Variants in SPATA6L observed in about 807,000 individuals in gnomAD.
SPATA6L encodes the protein spermatogenesis associated 6 like.
Under a neutral mutation model 49.2 loss-of-function variants are expected in SPATA6L, and 68 were observed. That is an observed-to-expected ratio of 1.38 (90% CI 1.14 to 1.69). The LOEUF is 1.69. Ranked by LOEUF, SPATA6L falls within the 40% of genes most tolerant of loss-of-function variation. SPATA6L has a pLI of 0.00. For synonymous variants in SPATA6L, 198 were observed against 165.7 expected, an observed-to-expected ratio of 1.19 and a Z score of -1.50; for missense variants, 668 against 464.3, an observed-to-expected ratio of 1.44 and a Z score of -4.03.
intron 9 of SPATA6L, among the ~76,000 whole-genome samples, chr9:4,608,893 C>CA (rs1320908180): frequency 3.3e-5 from 5 of 151,900 alleles, no homozygotes; most frequent in Admixed American, 3.3e-4. Context: ...ATAGATAGAC[C>CA]ACTAGCAAGA....
chr9:4,641,095 T>G (rs552431087), intron 3 of SPATA6L, among the ~76,000 whole-genome samples: 1 of 152,352 alleles, frequency 6.6e-6, no homozygotes, highest in African/African-American at 2.4e-5. Flanking sequence ...ATACATATTC[T>G]GCAACTGACT....
chr9:4,600,835 T>C (rs986693806), intron 11 of SPATA6L, 26 bp from the exon 12 acceptor site: 1 of 152,212 alleles, frequency 6.6e-6, no homozygotes, highest in Non-Finnish European at 1.5e-5. Context: ...CATCACATTC[T>C]ACATGTGGTA....
intron 9 of SPATA6L, among the ~76,000 whole-genome samples, chr9:4,615,069 C>T (rs754872640): frequency 6.6e-6 from 1 of 152,094 alleles, no homozygotes; most frequent in Non-Finnish European, 1.5e-5. Context: ...GCTGACAGTG[C>T]CCCTGCCTCC....
At chr9:4,665,654 A>G (rs1840748965) in intron 1 of SPATA6L, among the ~76,000 whole-genome samples, 1 of 152,200 alleles carries the variant, frequency 6.6e-6, no homozygotes, top group Non-Finnish European at 1.5e-5. Context: ...ACAGACCCCC[A>G]AGTAGAAACC....
downstream of SPATA6L, among the ~76,000 whole-genome samples, chr9:4,596,053 A>T (rs1047711471): frequency 6.6e-6 from 1 of 152,190 alleles, no homozygotes; most frequent in Non-Finnish European, 1.5e-5. Context: ...ACTGCTTCTG[A>T]CAGTCACAAA....
At chr9:4,620,108 C>T (rs1051722211) in intron 7 of SPATA6L, among the ~76,000 whole-genome samples, 1 of 152,104 alleles carries the variant, frequency 6.6e-6, no homozygotes, top group African/African-American at 2.4e-5. Flanking sequence ...GCCACCTTGT[C>T]CCAGGAGCTC....
At chr9:4,607,693 C>G (rs1483755081) in intron 9 of SPATA6L, among the ~76,000 whole-genome samples, 1 of 152,042 alleles carries the variant, frequency 6.6e-6, no homozygotes, top group Non-Finnish European at 1.5e-5. Context: ...CAAAATCATG[C>G]CAAAATGTAA....
At chr9:4,609,988 C>A (rs964407354) in intron 9 of SPATA6L, among the ~76,000 whole-genome samples, 3 of 151,872 alleles carry the variant, frequency 2.0e-5, no homozygotes, top group African/African-American at 7.3e-5. Flanking sequence ...CACAAGTATT[C>A]TTATACACCA....
chr9:4,624,129 A>T (rs189102192), intron 6 of SPATA6L, among the ~76,000 whole-genome samples: 1 of 152,370 alleles, frequency 6.6e-6, no homozygotes, highest in Admixed American at 6.5e-5. Flanking sequence ...TATCAACTTA[A>T]TGATACTATC....
intron 5 of SPATA6L, chr9:4,626,668 G>T: frequency 1.1e-6 from 1 of 921,056 alleles, no homozygotes; most frequent in South Asian, 1.7e-5. Flanking sequence ...AAATCTTTCT[G>T]TTACAGTCAC....
Position 4,606,730 on chromosome 9 carries a change from A to T in SPATA6L, c.996-1290T>A, listed in dbSNP as rs552992895. On this transcript the variant is annotated intron_variant, in intron 9 of 11. Coordinates refer to ENST00000682582, the MANE Select transcript of SPATA6L (RefSeq NM_001353486.2). ...AGAAAAACTGGAAACTCTAAAAAGC[A>T]GAGCGCCTCTCCTCCTCCAAAGGAA... is the stretch of plus-strand genomic sequence containing the variant. Among the ~76,000 whole-genome samples the T allele has an allele frequency of 3.9e-3, 573 of 145,554 alleles. 15 individuals carry two copies. Among genetic ancestry groups the T allele is most frequent in the African/African-American group, 0.014 (546 of 38,232 alleles).
At chr9:4,629,753 A>ATG (rs1238760966) in intron 4 of SPATA6L, among the ~76,000 whole-genome samples, 67 of 111,066 alleles carry the variant, frequency 6.0e-4, no homozygotes, top group African/African-American at 2.5e-3. Flanking sequence ...TGTGTTTTAT[A>ATG]TATGTGTGTG....
At position 4,635,302 on chromosome 9, in the gene SPATA6L, C is replaced by A. The variant is rs1421690258; in HGVS notation, c.324G>T (p.Val108=). The A allele has an allele frequency of 1.9e-6, 3 of 1,548,224 alleles. No homozygotes were observed. The highest frequency in any genetic ancestry group is 2.5e-5 in the East Asian group (1 of 39,770). ...GAAAACCCAGAGCCGTCTTCATGAG[C>A]ACCTCCCTACACCTCCTAGGGTGCG... ...TPSHPRRCRE[V]LMKTALGFPG... is the part of the protein sequence containing the mutation. Residue 108 remains valine (V), a synonymous_variant, in exon 4 of 12, where the codon GTG becomes GTT. Transcript: ENST00000682582.
chr9:4,626,417 A>G (rs1490807925), intron 5 of SPATA6L: 1 of 1,303,786 alleles, frequency 7.7e-7, no homozygotes, highest in East Asian at 5.5e-5. Flanking sequence ...CAGCTCATCC[A>G]AGTCCCACCT....
chr9:4,658,003 T>C (rs1838705147), intron 2 of SPATA6L, among the ~76,000 whole-genome samples: 2 of 152,096 alleles, frequency 1.3e-5, no homozygotes, highest in South Asian at 4.2e-4. Context: ...GTGTAAATAT[T>C]GGAATTACAC....
Position 4,662,619 on chromosome 9 carries a change from C to T in SPATA6L, c.40-583G>A. ...GGCCGCGGCGGGCCCCTCGCAGTCGCCCGCGCCTCCGCTGCCCGAGGAGGA... is the reference window on the plus strand; with the variant it reads ...GGCCGCGGCGGGCCCCTCGCAGTCGTCCGCGCCTCCGCTGCCCGAGGAGGA... On this transcript the variant is annotated intron_variant, in intron 1 of 11. Coordinates refer to ENST00000682582, the MANE Select transcript of SPATA6L (RefSeq NM_001353486.2). This position sits in a 1 kb window ranked among gnomAD's most constrained non-coding sequence, Gnocchi z 4.9. 1 of 1,595,892 alleles carries T rather than the reference C, an allele frequency of 6.3e-7. No individual in the cohort carries two copies. Among genetic ancestry groups the T allele is most frequent in the Non-Finnish European group, 8.5e-7 (1 of 1,178,338 alleles).
At position 4,599,708 on chromosome 9, in the gene SPATA6L, G is replaced by C. The variant is rs149076037; in HGVS notation, c.*1103C>G. 5.9e-3 allele frequency among the ~76,000 whole-genome samples: 892 copies of C among 152,248 alleles called. 15 individuals are homozygous for C. Among genetic ancestry groups the C allele is most frequent in the African/African-American group, 0.021 (853 of 41,538 alleles). On this transcript the variant is annotated 3_prime_UTR_variant, in exon 12 of 12. Transcript: ENST00000682582. ...GTGGAAGGGGCAAACGAGCTCCCTT[G>C]AGCCTATTTATAGGGCACTAATCTC...
At chr9:4,601,562 C>T (rs1823284832) in intron 11 of SPATA6L, among the ~76,000 whole-genome samples, 1 of 152,210 alleles carries the variant, frequency 6.6e-6, no homozygotes, top group Non-Finnish European at 1.5e-5. Flanking sequence ...CAATGGGACT[C>T]ATTGTTTTTG....
At chr9:4,642,143 C>T (rs898452515) in intron 3 of SPATA6L, among the ~76,000 whole-genome samples, 3 of 152,068 alleles carry the variant, frequency 2.0e-5, no homozygotes, top group African/African-American at 2.4e-5. Context: ...TACATACTTT[C>T]GTGTTAAATT....
Sources: allele counts gnomAD v4.1 joint callset (sites outside exome capture counted in the v4.1 genomes callset), GRCh38; gene constraint gnomAD v4.1.1; non-coding constraint Gnocchi (gnomAD v3.1); transcripts MANE v1.5; gene names NCBI Gene and HGNC (gene_info 2026-07-23, HGNC 2026-07-21).